ENPP3: variants seen among roughly 807,000 people sequenced by gnomAD.
ENPP3 encodes ectonucleotide pyrophosphatase/phosphodiesterase 3.
Under a neutral mutation model 117.8 loss-of-function variants are expected in ENPP3, and 104 were observed. The ratio of observed to expected loss-of-function variants is 0.88; its 90% CI spans 0.75 to 1.04. The LOEUF is 1.04. Ranked by LOEUF, ENPP3 falls within the 50% of genes least tolerant of loss-of-function variation. The pLI, the probability that ENPP3 is intolerant of heterozygous loss-of-function variation, is 0.00. For missense variants in ENPP3, 1,026 were observed against 1,051.9 expected (o/e 0.98, Z 0.34); for synonymous variants, 380 against 349.9 (o/e 1.09, Z -0.96).
At chr6:131,703,543 A>G (rs1256068718) in intron 15 of ENPP3, among the ~76,000 whole-genome samples, 74 of 136,000 alleles carry the variant, frequency 5.4e-4, no homozygotes, top group African/African-American at 1.9e-3. Flanking sequence ...GCATGATATT[A>G]AAGTGTGACG....
chr6:131,741,301 C>A (rs558186671), intron 24 of ENPP3, among the ~76,000 whole-genome samples: 3 of 152,166 alleles, frequency 2.0e-5, no homozygotes, highest in African/African-American at 7.2e-5. Flanking sequence ...AACACATTGT[C>A]CCTGCTTTTA....
rs146995294 is a variant in ENPP3, at chr6:131,669,249, G to T, written c.563-1999G>T. ...AATGTCTTTCCTTAATTGAGATCAAGATTTACTTATTGGTGGTATTGATTA... is the reference window on the plus strand; with the variant it reads ...AATGTCTTTCCTTAATTGAGATCAATATTTACTTATTGGTGGTATTGATTA... On this transcript the variant is annotated intron_variant, in intron 6 of 24. Coordinates refer to ENST00000357639, the MANE Select transcript of ENPP3 (RefSeq NM_005021.5). Among the ~76,000 whole-genome samples, 50 of 152,176 alleles carry T rather than the reference G, an allele frequency of 3.3e-4. No homozygotes were observed. In the East Asian group the frequency reaches 9.3e-3, roughly 28 times the overall value.
At chr6:131,720,218 A>C in intron 16 of ENPP3, 74 bp from the exon 17 acceptor site, 1 of 902,048 alleles carries the variant, frequency 1.1e-6, no homozygotes, top group Non-Finnish European at 1.7e-6. Context: ...CAGAAGGAAA[A>C]TTTTGTCTCT....
At chr6:131,691,939 G>GA (rs1315546520) in intron 14 of ENPP3, among the ~76,000 whole-genome samples, 5 of 152,130 alleles carry the variant, frequency 3.3e-5, no homozygotes, top group Admixed American at 6.5e-5. Flanking sequence ...AAATAGGCAA[G>GA]AAAAAACTGG....
At chr6:131,697,056 C>G (rs1422599449) in intron 15 of ENPP3, among the ~76,000 whole-genome samples, 1 of 152,146 alleles carries the variant, frequency 6.6e-6, no homozygotes, top group Admixed American at 6.5e-5. Context: ...CGTGAGCCAC[C>G]GTGCCGGCCT....
At chr6:131,717,569 G>A (rs1408895876) in intron 15 of ENPP3, among the ~76,000 whole-genome samples, 1 of 151,914 alleles carries the variant, frequency 6.6e-6, no homozygotes, top group Non-Finnish European at 1.5e-5. Context: ...TATTTTCCAA[G>A]TATGAAAAAC....
intron 15 of ENPP3, among the ~76,000 whole-genome samples, chr6:131,702,481 A>G (rs1472144791): frequency 6.7e-6 from 1 of 148,264 alleles, no homozygotes; most frequent in Non-Finnish European, 1.5e-5. Flanking sequence ...GAATGACTGA[A>G]TAGATTTGCA....
intron 14 of ENPP3, among the ~76,000 whole-genome samples, chr6:131,690,723 T>C (rs1011458681): frequency 2.0e-5 from 3 of 151,898 alleles, no homozygotes; most frequent in African/African-American, 7.3e-5. Flanking sequence ...AAGTTTCAAG[T>C]AGAATGCCCA....
chr6:131,742,321 T>C (rs1780543115), intron 24 of ENPP3, among the ~76,000 whole-genome samples: 1 of 152,182 alleles, frequency 6.6e-6, no homozygotes, highest in Non-Finnish European at 1.5e-5. Flanking sequence ...GTGGTACTCT[T>C]TACCATGAAA....
intron 24 of ENPP3, among the ~76,000 whole-genome samples, chr6:131,742,220 T>A (rs1433372222): frequency 6.6e-6 from 1 of 152,156 alleles, no homozygotes; most frequent in Non-Finnish European, 1.5e-5. Context: ...CCTTCCTACT[T>A]TTTCTGTCAG....
intron 1 of ENPP3, among the ~76,000 whole-genome samples, chr6:131,639,647 T>C (rs936312262): frequency 6.6e-6 from 1 of 152,182 alleles, no homozygotes; most frequent in Non-Finnish European, 1.5e-5. Context: ...GTATCTGCTG[T>C]GTTTCTAGCA....
At chr6:131,681,702 T>C (rs1585660944) in intron 11 of ENPP3, among the ~76,000 whole-genome samples, 2 of 152,218 alleles carry the variant, frequency 1.3e-5, no homozygotes, top group African/African-American at 2.4e-5. Context: ...TATTTCCTTA[T>C]AGTTTTCTGT....
intron 2 of ENPP3, among the ~76,000 whole-genome samples, chr6:131,645,504 G>A (rs1455439410): frequency 2.6e-5 from 4 of 152,150 alleles, no homozygotes. Flanking sequence ...CCCATCTATT[G>A]TGTTAGATCC....
chr6:131,683,093 A>G lies in ENPP3; in HGVS notation c.1051A>G (p.Met351Val). 2 of 1,612,358 alleles carry G rather than the reference A, an allele frequency of 1.2e-6. No individual in the cohort carries two copies. Among genetic ancestry groups the G allele is most frequent in the Non-Finnish European group, 1.7e-6 (2 of 1,178,498 alleles). Residue 351 changes from methionine (M) to valine (V), a missense_variant, in exon 12 of 25, where the codon ATG (methionine) becomes GTG (valine). Coordinates refer to ENST00000357639, the MANE Select transcript of ENPP3 (RefSeq NM_005021.5). The part of the protein sequence containing the change: ...ALQVVDHAFG[M>V]LMEGLKQRNL... ...ACAGGTAGTAGATCATGCTTTTGGG[A>G]TGTTGATGGAAGGCCTGAAGCAGCG...
chr6:131,688,702 G>C (rs1779209616), intron 14 of ENPP3, among the ~76,000 whole-genome samples: 1 of 152,096 alleles, frequency 6.6e-6, no homozygotes, highest in Non-Finnish European at 1.5e-5. Context: ...GATGGGTGAG[G>C]AAGTTGCAGA....
chr6:131,668,206 GT>G (rs557047103), intron 6 of ENPP3, among the ~76,000 whole-genome samples: 211 of 69,946 alleles, frequency 3.0e-3, no homozygotes, highest in Middle Eastern at 0.017. Context: ...CTCGCTCTGC[GT>G]TTTTTTTTTT....
At chr6:131,669,466 A>T (rs1585641741) in intron 6 of ENPP3, among the ~76,000 whole-genome samples, 1 of 151,870 alleles carries the variant, frequency 6.6e-6, no homozygotes, top group Non-Finnish European at 1.5e-5. Flanking sequence ...TGAGGCAAGG[A>T]GATCGAGACA....
chr6:131,696,451 G>C (rs1779407006), intron 15 of ENPP3, among the ~76,000 whole-genome samples: 1 of 152,192 alleles, frequency 6.6e-6, no homozygotes, highest in South Asian at 2.1e-4. Context: ...TCCTGGTAGG[G>C]GTGGTTGCTG....
chr6:131,669,354 G>A (rs1778689779), intron 6 of ENPP3, among the ~76,000 whole-genome samples: 2 of 152,006 alleles, frequency 1.3e-5, no homozygotes, highest in Admixed American at 6.6e-5. Context: ...AAATACATTA[G>A]GATGACCTGG....
Sources: gnomAD v4.1 joint callset for allele counts (sites outside exome capture counted in the v4.1 genomes callset) on GRCh38, gnomAD v4.1.1 for gene constraint, MANE v1.5 for transcripts, NCBI Gene and HGNC (gene_info 2026-07-23, HGNC 2026-07-21) for gene names.